The following DPYD variants were observed in gnomAD, a reference collection of about 807,000 sequenced individuals.
The protein encoded by DPYD is dihydropyrimidine dehydrogenase.
Under a neutral mutation model 116.2 loss-of-function variants are expected in DPYD, and 109 were observed. The ratio of observed to expected loss-of-function variants is 0.94; its 90% confidence interval spans 0.80 to 1.10. The LOEUF (loss-of-function observed/expected upper bound fraction) is 1.10, where lower values mean the gene tolerates loss of function less well. DPYD is among the 50% of genes least tolerant of loss of function. DPYD has a pLI of 0.00. For synonymous variants in DPYD, 440 were observed against 432.0 expected (o/e 1.02, Z -0.23); for missense variants, 1,302 against 1,254.5 (o/e 1.04, Z -0.57).
intron 14 of DPYD, among the ~76,000 whole-genome samples, chr1:97,445,280 G>C (rs1477856970): frequency 1.3e-5 from 2 of 152,204 alleles, no homozygotes; most frequent in Admixed American, 1.3e-4. Flanking sequence ...TGTGCACTGA[G>C]TGCCTTCATG....
At chr1:97,705,107 C>T (rs1661847530) in intron 5 of DPYD, among the ~76,000 whole-genome samples, 1 of 151,748 alleles carries the variant, frequency 6.6e-6, no homozygotes, top group Admixed American at 6.6e-5. Context: ...TATCTTAAGG[C>T]TACTTGACTC....
chr1:97,647,754 A>G (rs1361522669), intron 8 of DPYD, among the ~76,000 whole-genome samples: 1 of 151,996 alleles, frequency 6.6e-6, no homozygotes, highest in Non-Finnish European at 1.5e-5. Context: ...AAATTACTTC[A>G]TATTTGAAGT....
chr1:97,817,795 A>T (rs1442929109), intron 3 of DPYD, among the ~76,000 whole-genome samples: 1 of 152,088 alleles, frequency 6.6e-6, no homozygotes, highest in Non-Finnish European at 1.5e-5. Context: ...TATATACACA[A>T]CAGCTTGTTA....
chr1:97,891,766 A>T (rs1672790428), intron 1 of DPYD, among the ~76,000 whole-genome samples: 1 of 151,916 alleles, frequency 6.6e-6, no homozygotes, highest in Non-Finnish European at 1.5e-5. Context: ...GCAGGAAGCT[A>T]CTTGACCAAC....
intron 3 of DPYD, among the ~76,000 whole-genome samples, chr1:97,753,339 T>C (rs1204204582): frequency 6.6e-6 from 1 of 152,168 alleles, no homozygotes; most frequent in Non-Finnish European, 1.5e-5. Context: ...CTCCTAAAAA[T>C]CTATAATTCT....
intron 14 of DPYD, among the ~76,000 whole-genome samples, chr1:97,435,658 TA>T (rs1018901268): frequency 6.6e-6 from 1 of 151,946 alleles, no homozygotes; most frequent in Non-Finnish European, 1.5e-5. Flanking sequence ...TATAAACCCT[TA>T]AAAAATAATG....
At chr1:97,530,217 T>G (rs1439357311) in intron 12 of DPYD, among the ~76,000 whole-genome samples, 1 of 109,754 alleles carries the variant, frequency 9.1e-6, no homozygotes, top group Non-Finnish European at 1.8e-5. Context: ...TTTTTTTCTT[T>G]TTTTTTTTTT....
chr1:97,777,814 G>A (rs2101192474), intron 3 of DPYD, among the ~76,000 whole-genome samples: 1 of 152,068 alleles, frequency 6.6e-6, no homozygotes, highest in African/African-American at 2.4e-5. Flanking sequence ...CCTGTCATGT[G>A]GCAAATAAAT....
At chr1:97,709,889 T>C (rs1445898068) in intron 5 of DPYD, among the ~76,000 whole-genome samples, 1 of 151,826 alleles carries the variant, frequency 6.6e-6, no homozygotes, top group East Asian at 1.9e-4. Context: ...ACTCTGTTTG[T>C]TCTAATTAAC....
chr1:97,805,480 T>A (rs1364785850), intron 3 of DPYD, among the ~76,000 whole-genome samples: 1 of 151,886 alleles, frequency 6.6e-6, no homozygotes, highest in Admixed American at 6.6e-5. Context: ...CCTTTAAACA[T>A]AATGATATGT....
At chr1:97,452,709 C>A (rs1164238201) in intron 13 of DPYD, among the ~76,000 whole-genome samples, 4 of 151,964 alleles carry the variant, frequency 2.6e-5, no homozygotes, top group African/African-American at 9.7e-5. Flanking sequence ...AGATGTGGCC[C>A]TTTAAAAGTG....
intron 8 of DPYD, among the ~76,000 whole-genome samples, chr1:97,652,296 A>C (rs1437304343): frequency 6.6e-6 from 1 of 152,180 alleles, no homozygotes; most frequent in East Asian, 1.9e-4. Flanking sequence ...CTCCTAACCT[A>C]TAAGAACATA....
intron 16 of DPYD, among the ~76,000 whole-genome samples, chr1:97,317,985 T>A (rs985610188): frequency 1.3e-5 from 2 of 151,718 alleles, no homozygotes; most frequent in African/African-American, 4.8e-5. Flanking sequence ...AAACTAAGCT[T>A]CATAAGTGAA....
At chr1:97,376,887 G>GTGTGTGTTTATATATATATATATATATA in intron 15 of DPYD, among the ~76,000 whole-genome samples, 1 of 128,410 alleles carries the variant, frequency 7.8e-6, no homozygotes, top group African/African-American at 2.9e-5. Context: ...GTGTGTGTGT[G>GTGTGTGTTTATATATATATATATATATA]TATATATATA....
intron 8 of DPYD, among the ~76,000 whole-genome samples, chr1:97,635,581 C>T (rs1201093899): frequency 6.6e-6 from 1 of 152,106 alleles, no homozygotes; most frequent in Non-Finnish European, 1.5e-5. Context: ...TACATGGATG[C>T]ATTTCTTAAT....
At position 97,079,110 on chromosome 1, in the gene DPYD, T is replaced by C. The variant is rs753820482; in HGVS notation, c.2944A>G (p.Ile982Val). ...QFDPETHLPT[I>V]TDTCTGCTLC... ...GTACAGCCTGTACAAGTGTCGGTTA[T>C]GGTGGGCAGGTGGGTTTCTGGATCA... The change falls in exon 23 of 23, where the codon ATA becomes GTA. Residue 982 changes from isoleucine to valine, a missense_variant. By Grantham distance (29) the Ile-to-Val change is conservative. Coordinates refer to ENST00000370192, the MANE Select transcript of DPYD (RefSeq NM_000110.4). 4.3e-6 allele frequency: 7 copies of C among 1,613,680 alleles called. No homozygotes were observed. The highest frequency in any genetic ancestry group is 5.9e-6 in the Non-Finnish European group (7 of 1,179,696).
intron 13 of DPYD, among the ~76,000 whole-genome samples, chr1:97,482,157 T>C (rs1317813856): frequency 6.6e-6 from 1 of 152,162 alleles, no homozygotes; most frequent in Admixed American, 6.5e-5. Context: ...GGGGTATATA[T>C]AACAAATCCT....
chr1:97,550,483 C>A (rs892941651), intron 11 of DPYD, among the ~76,000 whole-genome samples: 2 of 152,020 alleles, frequency 1.3e-5, no homozygotes, highest in African/African-American at 4.8e-5. Flanking sequence ...AGAAAAATAT[C>A]TAACGAACAT....
intron 8 of DPYD, among the ~76,000 whole-genome samples, chr1:97,601,506 G>A (rs974116862): frequency 6.6e-6 from 1 of 151,934 alleles, no homozygotes; most frequent in Non-Finnish European, 1.5e-5. Flanking sequence ...GAGAAGATAA[G>A]CTATTCCTGA....
Sources: gnomAD v4.1 joint callset for allele counts (sites outside exome capture counted in the v4.1 genomes callset) on GRCh38, gnomAD v4.1.1 for gene constraint, MANE v1.5 for transcripts, NCBI Gene and HGNC (gene_info 2026-07-23, HGNC 2026-07-21) for gene names.